FRMPD4: variants seen among roughly 807,000 people sequenced by gnomAD.
FRMPD4 encodes the protein FERM and PDZ domain containing 4, also known as FERM and PDZ domain-containing protein 4.
Under a neutral mutation model 94.1 loss-of-function variants are expected in FRMPD4, and 22 were observed. The observed-to-expected ratio is 0.23, with a 90% CI of 0.17 to 0.33. The LOEUF (loss-of-function observed/expected upper bound fraction) is 0.33, where lower values mean the gene tolerates loss of function less well. Ranked by LOEUF, FRMPD4 falls within the 10% of genes least tolerant of loss-of-function variation. The probability of loss-of-function intolerance (pLI) is 1.00; values close to 1 mark genes in which losing one functional copy is unlikely to be tolerated. For synonymous variants in FRMPD4, 631 were observed against 548.6 expected, an observed-to-expected ratio of 1.15 and a Z score of -2.10; for missense variants, 1,111 against 1,339.9, an observed-to-expected ratio of 0.83 and a Z score of 2.67.
intron 1 of FRMPD4, among the ~76,000 whole-genome samples, chrX:12,391,867 G>A (rs971302897): frequency 9.0e-6 from 1 of 110,517 alleles, no homozygotes; most frequent in African/African-American, 3.3e-5. Context: ...TTATCCCAGT[G>A]TTCCAGCTGC....
intron 2 of FRMPD4, among the ~76,000 whole-genome samples, chrX:12,567,909 A>G (rs994866455): frequency 3.8e-4 from 43 of 112,025 alleles, no homozygotes; most frequent in Admixed American, 1.1e-3. Context: ...GGTTTTGGTA[A>G]CATCTGCATT....
chrX:12,217,539 G>A (rs927015400), intron 1 of FRMPD4, among the ~76,000 whole-genome samples: 1 of 111,867 alleles, frequency 8.9e-6, no homozygotes, highest in Non-Finnish European at 1.9e-5. Context: ...CACCACATAG[G>A]TACTTGATAA....
chrX:12,367,677 G>A (rs1324021725), intron 1 of FRMPD4, among the ~76,000 whole-genome samples: 1 of 111,151 alleles, frequency 9.0e-6, no homozygotes, highest in Non-Finnish European at 1.9e-5. Context: ...ATGCTTCGAG[G>A]TCCTTTCAGG....
intron 1 of FRMPD4, among the ~76,000 whole-genome samples, chrX:12,167,443 T>A (rs1434637126): frequency 9.0e-6 from 1 of 111,659 alleles, no homozygotes; most frequent in Non-Finnish European, 1.9e-5. Context: ...TCTAAGAATA[T>A]GGGGAAAATT....
chrX:12,331,939 ATTATATATATTTATATACTATATATAAAT>A (rs2055412141), intron 1 of FRMPD4, among the ~76,000 whole-genome samples: 1 of 41,081 alleles, frequency 2.4e-5, no homozygotes, highest in African/African-American at 1.2e-4. Flanking sequence ...CTATATATAA[ATTATATATATTTATATACTATATATAAAT>A]TATATATATT....
intron 4 of FRMPD4, among the ~76,000 whole-genome samples, chrX:12,659,595 T>A (rs1422544442): frequency 8.9e-6 from 1 of 112,500 alleles, no homozygotes; most frequent in Non-Finnish European, 1.9e-5. Flanking sequence ...TTGCCAAATA[T>A]CCCCTATGGG....
At chrX:12,294,467 T>TACACACACACACACACACACAC (rs766103055) in intron 1 of FRMPD4, among the ~76,000 whole-genome samples, 35 of 87,276 alleles carry the variant, frequency 4.0e-4, no homozygotes, top group African/African-American at 1.5e-3. Context: ...CTCATAACTG[T>TACACACACACACACACACACAC]ACACACACAC....
chrX:11,863,656 A>C (rs1030792505), intron 1 of FRMPD4, among the ~76,000 whole-genome samples: 1 of 112,328 alleles, frequency 8.9e-6, no homozygotes, highest in Non-Finnish European at 1.9e-5. Context: ...ACAGATTAAC[A>C]CTAGTTAATT....
chrX:11,986,461 A>G (rs1223321086), intron 3 of FRMPD4, among the ~76,000 whole-genome samples: 2 of 112,164 alleles, frequency 1.8e-5, no homozygotes, highest in Non-Finnish European at 3.8e-5. Context: ...ATAAGTGCCT[A>G]CATCAAAAAA....
chrX:12,669,643 G>T (rs1388222665), intron 4 of FRMPD4, among the ~76,000 whole-genome samples: 1 of 111,994 alleles, frequency 8.9e-6, no homozygotes, highest in East Asian at 2.8e-4. Context: ...TCAGAGATGA[G>T]ATGATTATCT....
chrX:11,998,713 A>G (rs1400364005), intron 3 of FRMPD4, among the ~76,000 whole-genome samples: 1 of 112,142 alleles, frequency 8.9e-6, no homozygotes, highest in Admixed American at 9.4e-5. Flanking sequence ...TATCCAAACC[A>G]TAGGTAATGT....
chrX:11,988,321 A>G (rs1416895436), intron 3 of FRMPD4, among the ~76,000 whole-genome samples: 1 of 104,112 alleles, frequency 9.6e-6, no homozygotes, highest in African/African-American at 3.8e-5. Flanking sequence ...AAAGGTGCCA[A>G]GAAATACATT....
intron 4 of FRMPD4, 127 bp downstream of exon 4, chrX:12,615,008 A>C (rs1157193170): frequency 2.8e-6 from 1 of 360,718 alleles, no homozygotes; most frequent in Non-Finnish European, 4.9e-6. Context: ...CAACACATAC[A>C]CATGGTTGAA....
intron 9 of FRMPD4, among the ~76,000 whole-genome samples, chrX:12,696,257 A>G (rs1029086624): frequency 8.9e-6 from 1 of 111,948 alleles, no homozygotes; most frequent in Non-Finnish European, 1.9e-5. Context: ...AAACTTGAAG[A>G]GAACAGTCTT....
intron 1 of FRMPD4, among the ~76,000 whole-genome samples, chrX:12,468,667 A>T (rs1354398720): frequency 2.7e-5 from 3 of 111,683 alleles, no homozygotes; most frequent in Non-Finnish European, 5.6e-5. Context: ...AGATATACCC[A>T]AAAGGGGACC....
intron 3 of FRMPD4, among the ~76,000 whole-genome samples, chrX:11,880,741 C>G (rs936226670): frequency 1.8e-5 from 2 of 111,696 alleles, no homozygotes; most frequent in East Asian, 5.6e-4. Flanking sequence ...CTCCCATTTT[C>G]AAGTGATTCT....
chrX:12,698,186 A>G (rs969929046), intron 9 of FRMPD4, among the ~76,000 whole-genome samples: 15 of 112,272 alleles, frequency 1.3e-4, no homozygotes. Context: ...GCCATTGACT[A>G]GATGAATCAT....
chrX:11,906,733 T>C (rs1193711904), intron 3 of FRMPD4, among the ~76,000 whole-genome samples: 1 of 111,178 alleles, frequency 9.0e-6, no homozygotes, highest in Non-Finnish European at 1.9e-5. Context: ...TTCTTAAGCT[T>C]CTTGGGTCTA....
intron 9 of FRMPD4, among the ~76,000 whole-genome samples, chrX:12,698,800 G>A (rs1398706060): frequency 9.0e-6 from 1 of 111,136 alleles, no homozygotes; most frequent in Non-Finnish European, 1.9e-5. Flanking sequence ...AATAGTGATG[G>A]CTAATCTTTA....
Sources: allele counts gnomAD v4.1 joint callset (sites outside exome capture counted in the v4.1 genomes callset), GRCh38; gene constraint gnomAD v4.1.1; transcripts MANE v1.5; gene names NCBI Gene and HGNC (gene_info 2026-07-23, HGNC 2026-07-21).